Variants in ANKRD31 observed in about 807,000 individuals in gnomAD.
ANKRD31 encodes the protein ankyrin repeat domain-containing protein 31.
ANKRD31 carries 147 observed loss-of-function variants against 186.0 expected under a neutral mutation model. The ratio of observed to expected loss-of-function variants is 0.79; its 90% CI spans 0.69 to 0.91. The LOEUF (loss-of-function observed/expected upper bound fraction) is 0.91, where lower values mean the gene tolerates loss of function less well. Among genes scored for constraint, ANKRD31 ranks in the 40% least tolerant of loss-of-function variants. ANKRD31 has a pLI of 0.00. For synonymous variants in ANKRD31, 673 were observed against 736.4 expected, an observed-to-expected ratio of 0.91 and a Z score of 1.39; for missense variants, 1,986 against 2,148.8, an observed-to-expected ratio of 0.92 and a Z score of 1.50.
In ANKRD31 at chr5:75,138,955, C is replaced by T. The variant is rs887807963; in HGVS notation, c.3624G>A (p.Arg1208=). 5 of 1,536,686 alleles carry T rather than the reference C, an allele frequency of 3.3e-6. No individual in the cohort carries two copies. The African/African-American group carries it at 4.1e-5, about 13-fold the overall frequency. ...LGMKAGRINK[R]NARGESQLHL... is the part of the protein sequence containing the mutation. Reference sequence around the variant, plus strand: ...GAAGCTGGCTTTCCCCTCTGGCATTCCTCTTGTTGATCCTACCTGCTTTCA... The same window carrying T: ...GAAGCTGGCTTTCCCCTCTGGCATTTCTCTTGTTGATCCTACCTGCTTTCA... The change falls in exon 16 of 26, where the codon AGG becomes AGA. Residue 1208 remains arginine, a synonymous_variant. Transcript: ENST00000506364.
chr5:75,236,766 G>A lies in ANKRD31; in HGVS notation c.-80C>T, dbSNP rs1758299688. On this transcript the variant is annotated 5_prime_UTR_variant, in exon 1 of 26. Coordinates refer to ENST00000506364, the MANE Select transcript of ANKRD31 (RefSeq NM_001372053.1). Reference sequence around the variant, plus strand: ...AAACAAAAAAACGCTTTGAGGGCCAGGGGAAATTGTGAATTAAAAATAAAA... The same window carrying A: ...AAACAAAAAAACGCTTTGAGGGCCAAGGGAAATTGTGAATTAAAAATAAAA... The A allele has an allele frequency of 9.3e-7, 1 of 1,079,594 alleles. No homozygotes were observed. Among genetic ancestry groups the A allele is most frequent in the African/African-American group, 1.6e-5 (1 of 61,222 alleles). The allele number at this position is 1,079,594 out of a possible 1,614,324, so 66.9% of individuals were successfully genotyped here. A position where few individuals can be genotyped will look rare whatever the true frequency, so the allele number is the denominator to read the frequency against.
intron 17 of ANKRD31, among the ~76,000 whole-genome samples, chr5:75,128,806 G>T (rs1188582008): frequency 6.6e-6 from 1 of 151,934 alleles, no homozygotes; most frequent in Admixed American, 6.6e-5. Flanking sequence ...GAGCCAACAT[G>T]CCTGGCCAAG....
In ANKRD31 at chr5:75,146,633, T is replaced by C. The variant is rs753472695; in HGVS notation, c.2778A>G (p.Lys926=). The stretch of plus-strand genomic sequence containing the variant: ...TTAAATTCTCCTTAAAATTATAGTG[T>C]TTTTTGCCACCTGTAGAACACAACA... ...KKVLCSTGGK[K]HYNFKENLTN... The change falls in exon 14 of 26, where the codon AAA becomes AAG. Residue 926 remains lysine (K), a synonymous_variant. Transcript: ENST00000506364. 4.6e-6 allele frequency: 7 copies of C among 1,535,558 alleles called. No homozygotes were observed. The South Asian group carries it at 4.8e-5, about 10-fold the overall frequency.
chr5:75,210,774 G>A (rs936285053), intron 4 of ANKRD31, 54 bp downstream of exon 4: 1 of 1,279,452 alleles, frequency 7.8e-7, no homozygotes, highest in South Asian at 1.5e-5. Context: ...TCTTAGATGT[G>A]CAAAATGACA....
intron 17 of ANKRD31, among the ~76,000 whole-genome samples, chr5:75,130,083 C>T (rs1337379678): frequency 6.6e-6 from 1 of 152,076 alleles, no homozygotes; most frequent in South Asian, 2.1e-4. Flanking sequence ...GATGTTCGGA[C>T]GTGTCCAGAG....
Position 75,116,583 on chromosome 5 carries a change from T to C in ANKRD31, c.4138A>G (p.Arg1380Gly), listed in dbSNP as rs1318192158. The C allele has an allele frequency of 2.1e-6, 3 of 1,440,406 alleles. No homozygotes were observed. In the East Asian group the frequency reaches 7.6e-5, roughly 37 times the overall value. 89.2% of individuals were successfully genotyped at this position (1,440,406 alleles called of 1,614,324 possible). Residue 1380 changes from arginine to glycine, a missense_variant, in exon 19 of 26, where the codon AGA becomes GGA. Transcript: ENST00000506364. ...SSSLSHQERS[R>G]ESLSVHQTLS... ...TCACTCACCACAGAAAGGCTTTCTC[T>C]TGATCTTTCTTGGTGTGAAAGGGAA...
intron 11 of ANKRD31, among the ~76,000 whole-genome samples, chr5:75,156,849 C>T (rs1022865196): frequency 2.6e-5 from 4 of 152,110 alleles, no homozygotes; most frequent in Non-Finnish European, 4.4e-5. Context: ...TTGATTTTAG[C>T]CCAGTGATTC....
chr5:75,139,260 CTAATTCTCAG>C (rs1750830145), intron 15 of ANKRD31, among the ~76,000 whole-genome samples: 1 of 151,854 alleles, frequency 6.6e-6, no homozygotes, highest in South Asian at 2.1e-4. Context: ...CTATACTCAT[CTAATTCTCAG>C]TAGTCCTTTA....
At chr5:75,128,500 A>C (rs1189572182) in intron 17 of ANKRD31, among the ~76,000 whole-genome samples, 1 of 67,624 alleles carries the variant, frequency 1.5e-5, no homozygotes, top group Non-Finnish European at 2.5e-5. Flanking sequence ...GTTTCACTTT[A>C]TTTTATTTAT....
At chr5:75,181,972 C>G (rs1438362272) in intron 10 of ANKRD31, among the ~76,000 whole-genome samples, 1 of 151,896 alleles carries the variant, frequency 6.6e-6, no homozygotes, top group Non-Finnish European at 1.5e-5. Context: ...ACACTGTTGT[C>G]TATAATTTCT....
chr5:75,224,904 C>G (rs946092110), intron 2 of ANKRD31, among the ~76,000 whole-genome samples: 6 of 152,034 alleles, frequency 3.9e-5, no homozygotes, highest in Admixed American at 3.9e-4. Flanking sequence ...GATTTGCTAT[C>G]TTTAATATAG....
chr5:75,162,358 C>T (rs997401963), intron 11 of ANKRD31, among the ~76,000 whole-genome samples: 2 of 152,192 alleles, frequency 1.3e-5, no homozygotes, highest in Admixed American at 1.3e-4. Context: ...GGGCCTGTAG[C>T]CCCTTCATTT....
At chr5:75,102,410 T>C (rs1746975130) in intron 22 of ANKRD31, among the ~76,000 whole-genome samples, 2 of 152,182 alleles carry the variant, frequency 1.3e-5, no homozygotes, top group Admixed American at 1.3e-4. Context: ...GTCTGTCCAT[T>C]CTCAGATCTC....
chr5:75,210,772 G>T, intron 4 of ANKRD31, 56 bp downstream of exon 4: 1 of 1,243,844 alleles, frequency 8.0e-7, no homozygotes, highest in Non-Finnish European at 1.1e-6. Flanking sequence ...CATCTTAGAT[G>T]TGCAAAATGA....
At chr5:75,186,463 G>A (rs1754719052) in intron 10 of ANKRD31, among the ~76,000 whole-genome samples, 1 of 152,028 alleles carries the variant, frequency 6.6e-6, no homozygotes, top group African/African-American at 2.4e-5. Flanking sequence ...CTTTGTTATT[G>A]ACTTAAACTT....
Position 75,236,701 on chromosome 5 carries a change from CAA to C in ANKRD31, c.-17_-16del. ...CCTTCCTCCATCTTTGCCTCACATT[CAA>C]AGTCTTTTTTACCCTCCTCTAACTC... On this transcript the variant is annotated 5_prime_UTR_variant, in exon 1 of 26. Coordinates refer to ENST00000506364, the MANE Select transcript of ANKRD31 (RefSeq NM_001372053.1). The C allele has an allele frequency of 1.3e-6, 2 of 1,534,438 alleles. No individual in the cohort carries two copies. Among genetic ancestry groups the C allele is most frequent in the Non-Finnish European group, 1.7e-6 (2 of 1,145,032 alleles).
intron 1 of ANKRD31, among the ~76,000 whole-genome samples, chr5:75,234,774 ATCTT>A (rs1472363801): frequency 6.6e-6 from 1 of 151,938 alleles, no homozygotes; most frequent in Non-Finnish European, 1.5e-5. Context: ...TTATAATTAT[ATCTT>A]TCTTCCTCTA....
At chr5:75,128,449 C>T (rs1749439769) in intron 17 of ANKRD31, among the ~76,000 whole-genome samples, 1 of 47,290 alleles carries the variant, frequency 2.1e-5, no homozygotes, top group Non-Finnish European at 3.3e-5. Flanking sequence ...TGTTGAAAAA[C>T]CTGATTTTCC....
chr5:75,144,110 T>C lies in ANKRD31; in HGVS notation c.3486A>G (p.Ile1162Met), dbSNP rs1456320979. 5.0e-6 allele frequency: 2 copies of C among 397,474 alleles called. No homozygotes were observed. Among genetic ancestry groups the C allele is most frequent in the East Asian group, 3.6e-5 (1 of 27,952 alleles). The allele number at this position is 397,474 out of a possible 1,614,324, so 24.6% of individuals were successfully genotyped here. A position where few individuals can be genotyped will look rare whatever the true frequency, so the allele number is the denominator to read the frequency against. ...DEITIRNCEE[I>M]KEKTESEIHM... ...GAATTTCTGACTCCGTTTTTTCTTTTATCTCCTCACAATTTCTTATAGTTA... is the reference window on the plus strand; with the variant it reads ...GAATTTCTGACTCCGTTTTTTCTTTCATCTCCTCACAATTTCTTATAGTTA... Residue 1162 changes from isoleucine (I) to methionine (M), a missense_variant, in exon 15 of 26, where the codon ATA becomes ATG. By Grantham distance (10) the Ile-to-Met change is conservative. Coordinates refer to ENST00000506364, the MANE Select transcript of ANKRD31 (RefSeq NM_001372053.1).
Sources: allele counts gnomAD v4.1 joint callset (sites outside exome capture counted in the v4.1 genomes callset), GRCh38; gene constraint gnomAD v4.1.1; transcripts MANE v1.5; gene names NCBI Gene and HGNC (gene_info 2026-07-23, HGNC 2026-07-21).